PTPRN2: variants seen among roughly 807,000 people sequenced by gnomAD.
PTPRN2 encodes the protein receptor-type tyrosine-protein phosphatase N2.
In PTPRN2, 74 loss-of-function variants were observed where a neutral mutation model predicts 118.8. The observed-to-expected ratio is 0.62, with a 90% confidence interval of 0.52 to 0.76. PTPRN2 has a LOEUF of 0.76. PTPRN2 is among the 30% of genes least tolerant of loss of function. The pLI is 0.00. For synonymous variants in PTPRN2, 641 were observed against 608.0 expected (o/e 1.05, Z -0.80); for missense variants, 1,481 against 1,394.4 (o/e 1.06, Z -0.99).
intron 3 of PTPRN2, among the ~76,000 whole-genome samples, chr7:158,262,998 GCA>G (rs558237286): frequency 8.4e-4 from 118 of 140,168 alleles, no homozygotes; most frequent in East Asian, 1.7e-3. Flanking sequence ...CACACACATT[GCA>G]CACACACATT....
intron 6 of PTPRN2, among the ~76,000 whole-genome samples, chr7:158,150,059 A>C (rs1192966723): frequency 6.6e-6 from 1 of 152,204 alleles, no homozygotes; most frequent in African/African-American, 2.4e-5. Context: ...ATGATAAGAA[A>C]ACAGAGTCAT....
chr7:158,056,912 C>T (rs890876943), intron 11 of PTPRN2, among the ~76,000 whole-genome samples: 1 of 152,222 alleles, frequency 6.6e-6, no homozygotes, highest in Non-Finnish European at 1.5e-5. Context: ...CATCGGGACG[C>T]GTGCTCCACT....
At chr7:158,364,002 G>A (rs768330200) in intron 2 of PTPRN2, among the ~76,000 whole-genome samples, 37 of 152,120 alleles carry the variant, frequency 2.4e-4, no homozygotes, top group African/African-American at 7.5e-4. Context: ...GCCTCCTGCC[G>A]GACGCTGTTT....
At chr7:158,354,917 A>T (rs1397190017) in intron 2 of PTPRN2, among the ~76,000 whole-genome samples, 1 of 152,204 alleles carries the variant, frequency 6.6e-6, no homozygotes, top group East Asian at 1.9e-4. Context: ...AAGACCCCAA[A>T]GGAAGCAAAT....
intron 13 of PTPRN2, among the ~76,000 whole-genome samples, chr7:157,675,737 C>T (rs1042509553): frequency 6.6e-5 from 10 of 152,124 alleles, no homozygotes; most frequent in Non-Finnish European, 1.0e-4. Context: ...CCTCGGGCAG[C>T]GCTTCAGAGC....
intron 12 of PTPRN2, among the ~76,000 whole-genome samples, chr7:157,836,631 C>CACAT (rs1807950215): frequency 6.6e-6 from 1 of 151,904 alleles, no homozygotes; most frequent in Non-Finnish European, 1.5e-5. Context: ...CACACACACA[C>CACAT]ATCCTAAAAG....
chr7:158,134,617 A>G (rs965591259), intron 8 of PTPRN2, among the ~76,000 whole-genome samples: 6 of 152,096 alleles, frequency 3.9e-5, no homozygotes, highest in Non-Finnish European at 8.8e-5. Context: ...CAAAGCGATT[A>G]ACCCACAAGT....
chr7:158,386,779 C>T (rs191695387), intron 2 of PTPRN2, among the ~76,000 whole-genome samples: 76 of 152,338 alleles, frequency 5.0e-4, no homozygotes, highest in African/African-American at 1.3e-3. Context: ...CCTACTGCAT[C>T]GACTCCCAGC....
chr7:158,134,155 A>T, intron 8 of PTPRN2, 96 bp from the exon 9 acceptor site: 2 of 1,388,168 alleles, frequency 1.4e-6, no homozygotes, highest in Non-Finnish European at 2.0e-6. Flanking sequence ...CACTGTGGGG[A>T]TGACATGGGC....
chr7:157,849,025 G>A (rs976960548), intron 12 of PTPRN2, among the ~76,000 whole-genome samples: 9 of 152,200 alleles, frequency 5.9e-5, no homozygotes, highest in African/African-American at 9.6e-5. Context: ...AACCAATAGC[G>A]GGTCTTGGGA....
rs1006049145 is a variant in PTPRN2, at chr7:158,350,028, G to A, written c.164-33096C>T. 2.8e-4 allele frequency among the ~76,000 whole-genome samples: 42 copies of A among 152,284 alleles called. 1 individual carries two copies. Among genetic ancestry groups the A allele is most frequent in the African/African-American group, 9.4e-4 (39 of 41,552 alleles). The stretch of plus-strand genomic sequence containing the variant: ...GCACGGATTCCTTCCGGCAAAAGGT[G>A]CTCAGTAAAGTGGATTGCAGCATCC... On this transcript the variant is annotated intron_variant, in intron 2 of 22. Transcript: ENST00000389418.
chr7:158,293,585 A>T (rs1282988776), intron 3 of PTPRN2, among the ~76,000 whole-genome samples: 1 of 152,182 alleles, frequency 6.6e-6, no homozygotes, highest in Non-Finnish European at 1.5e-5. Context: ...CGAAAAAAAA[A>T]AATAGTAACT....
chr7:157,691,553 C>G (rs754267140), intron 12 of PTPRN2, among the ~76,000 whole-genome samples: 30 of 152,186 alleles, frequency 2.0e-4, no homozygotes, highest in Non-Finnish European at 4.4e-4. Context: ...AAGTGTCTTG[C>G]GAGACGCGGA....
At chr7:158,180,502 G>A (rs574027213) in intron 5 of PTPRN2, among the ~76,000 whole-genome samples, 1 of 152,128 alleles carries the variant, frequency 6.6e-6, no homozygotes, top group South Asian at 2.1e-4. Flanking sequence ...TATTTTGATA[G>A]GAATTTCATT....
rs1563067179 is a variant in PTPRN2 at position 158,270,780 on chromosome 7, A to ACCGCCCCGT, written c.277+46038_277+46039insACGGGGCGG. Among the ~76,000 whole-genome samples the ACCGCCCCGT allele has an allele frequency of 1.5e-4, 10 of 67,636 alleles. 2 individuals carry two copies. The highest frequency in any genetic ancestry group is 2.1e-4 in the Non-Finnish European group (8 of 37,698). 44.4% of individuals were successfully genotyped at this position (67,636 alleles called of 152,430 possible). A position where few individuals can be genotyped will look rare whatever the true frequency, so the allele number is the denominator to read the frequency against. On this transcript the variant is annotated intron_variant, in intron 3 of 22. Transcript: ENST00000389418. ...CACCTGGACCACCCCGTCCACCTGG[A>ACCGCCCCGT]CCACCCCTCCACCTGGACCACCCCC...
intron 12 of PTPRN2, among the ~76,000 whole-genome samples, chr7:157,844,766 C>T (rs992239659): frequency 2.6e-5 from 4 of 152,226 alleles, no homozygotes; most frequent in African/African-American, 4.8e-5. Context: ...TGGTGCAGGT[C>T]AGCGGCTCCG....
In PTPRN2 at chr7:157,615,397, CTG is replaced by C. The variant is rs1187625079; in HGVS notation, c.2344+5963_2344+5964del. On this transcript the variant is annotated intron_variant, in intron 15 of 22. Transcript: ENST00000389418. The surrounding 1 kb of genome is among the most constrained non-coding windows in gnomAD (Gnocchi z 4.3). The stretch of plus-strand genomic sequence containing the variant: ...TCCCTAACCTCCTTCAGCCCCAGCT[CTG>C]TCCCTGTGTGAATCTCAGGGCTGTT... 1 of 469,554 alleles carries C rather than the reference CTG, an allele frequency of 2.1e-6. No individual in the cohort carries two copies. Among genetic ancestry groups the C allele is most frequent in the Non-Finnish European group, 4.4e-6 (1 of 226,016 alleles). The allele number at this position is 469,554 out of a possible 1,614,324, so 29.1% of individuals were successfully genotyped here.
At chr7:158,277,666 GC>G (rs1428128223) in intron 3 of PTPRN2, among the ~76,000 whole-genome samples, 1 of 152,218 alleles carries the variant, frequency 6.6e-6, no homozygotes, top group Non-Finnish European at 1.5e-5. Context: ...TATAGCTCTG[GC>G]CTTGCCTCCA....
At chr7:157,720,839 C>G (rs1414476849) in intron 12 of PTPRN2, among the ~76,000 whole-genome samples, 1 of 152,194 alleles carries the variant, frequency 6.6e-6, no homozygotes, top group African/African-American at 2.4e-5. Context: ...CAGCGGAGCC[C>G]TGGGCAGGGG....
Sources: allele counts gnomAD v4.1 joint callset (sites outside exome capture counted in the v4.1 genomes callset), GRCh38; gene constraint gnomAD v4.1.1; non-coding constraint Gnocchi (gnomAD v3.1); transcripts MANE v1.5; gene names NCBI Gene and HGNC (gene_info 2026-07-23, HGNC 2026-07-21).